Variants in CFAP206 observed in about 807,000 individuals in gnomAD.
CFAP206 encodes cilia and flagella associated protein 206.
In CFAP206, 53 loss-of-function variants were observed where a neutral mutation model predicts 65.4. The observed-to-expected ratio is 0.81, with a 90% CI of 0.65 to 1.02. The LOEUF is 1.02. CFAP206 is among the 50% of genes least tolerant of loss of function. The pLI is 0.00. For synonymous variants in CFAP206, 250 were observed against 254.4 expected (o/e 0.98, Z 0.17); for missense variants, 663 against 753.2 (o/e 0.88, Z 1.40).
At chr6:87,427,196 G>A (rs1003087164) in intron 8 of CFAP206, among the ~76,000 whole-genome samples, 1 of 152,170 alleles carries the variant, frequency 6.6e-6, no homozygotes, top group African/African-American at 2.4e-5. Context: ...GGAGTGCAGT[G>A]GTGCAATCTC....
intron 11 of CFAP206, among the ~76,000 whole-genome samples, chr6:87,448,919 G>A (rs567366831): frequency 2.6e-5 from 4 of 152,172 alleles, no homozygotes; most frequent in African/African-American, 9.6e-5. Context: ...TGGACACTTA[G>A]GTTGTTTCCA....
chr6:87,431,895 G>A (rs1321228664), intron 10 of CFAP206, among the ~76,000 whole-genome samples: 2 of 152,120 alleles, frequency 1.3e-5, no homozygotes, highest in Admixed American at 6.5e-5. Flanking sequence ...ATATTTCACT[G>A]GCATAGATAG....
intron 10 of CFAP206, among the ~76,000 whole-genome samples, chr6:87,434,412 C>T (rs1041929157): frequency 1.5e-5 from 2 of 129,438 alleles, no homozygotes; most frequent in African/African-American, 5.7e-5. Flanking sequence ...TTTTGAGACA[C>T]AGTCTCAAAA....
chr6:87,431,644 T>G (rs1768160128), intron 10 of CFAP206, among the ~76,000 whole-genome samples: 1 of 152,170 alleles, frequency 6.6e-6, no homozygotes, highest in South Asian at 2.1e-4. Flanking sequence ...CACACGCCTG[T>G]AGTCCCAGCT....
At chr6:87,437,068 T>G in intron 11 of CFAP206, among the ~76,000 whole-genome samples, 1 of 152,148 alleles carries the variant, frequency 6.6e-6, no homozygotes, top group Non-Finnish European at 1.5e-5. Flanking sequence ...CCTCCCAGGT[T>G]CAAGCAATTC....
intron 11 of CFAP206, among the ~76,000 whole-genome samples, chr6:87,456,678 C>T (rs924952028): frequency 2.6e-5 from 4 of 151,976 alleles, no homozygotes; most frequent in African/African-American, 7.3e-5. Context: ...TTGCAGAATA[C>T]GAAATCAACA....
At chr6:87,459,596 A>G (rs1768706347) in intron 11 of CFAP206, among the ~76,000 whole-genome samples, 1 of 152,228 alleles carries the variant, frequency 6.6e-6, no homozygotes, top group Non-Finnish European at 1.5e-5. Context: ...TTTATAGATC[A>G]GGAATATTCA....
chr6:87,424,494 G>A (rs1751177067), intron 7 of CFAP206, among the ~76,000 whole-genome samples: 1 of 151,994 alleles, frequency 6.6e-6, no homozygotes, highest in Non-Finnish European at 1.5e-5. Flanking sequence ...AGCCAGGATG[G>A]TCTCGATCTC....
intron 11 of CFAP206, chr6:87,445,313 G>A (rs1477881660): frequency 5.2e-6 from 1 of 190,950 alleles, no homozygotes; most frequent in Non-Finnish European, 1.1e-5. Context: ...CATCACCTAA[G>A]TATTAAGCCC....
intron 7 of CFAP206, among the ~76,000 whole-genome samples, chr6:87,420,421 T>C (rs2127949178): frequency 6.6e-6 from 1 of 152,360 alleles, no homozygotes; most frequent in East Asian, 1.9e-4. Flanking sequence ...GGCGTTCTAC[T>C]TCTCACAGCT....
chr6:87,434,862 A>C lies in CFAP206; in HGVS notation c.1303A>C (p.Asn435His). Reference protein sequence around the residue: ...AATDGLLLPGNPAIGILKYKE... With the variant: ...AATDGLLLPGHPAIGILKYKE... ...TCTAATTCTTTTTTTATTTTCAGGA[A>C]ATCCAGCAATTGGAATTTTAAAATA... The change falls in exon 11 of 13, where the codon AAT becomes CAT. Residue 435 changes from asparagine (N) to histidine (H), a missense_variant and splice_region_variant. Transcript: ENST00000369562. 1.5e-6 allele frequency: 2 copies of C among 1,322,660 alleles called. No homozygotes were observed. The allele number at this position is 1,322,660 out of a possible 1,614,324, so 81.9% of individuals were successfully genotyped here. A position where few individuals can be genotyped will look rare whatever the true frequency, so the allele number is the denominator to read the frequency against.
rs1768086564 is a variant in CFAP206 at position 87,428,214 on chromosome 6, C to G, written c.961-412C>G. The stretch of plus-strand genomic sequence containing the variant: ...TGTTGGCCAGGCTGGTCTTGAACTC[C>G]TGCCCTCAGGTGATCCGCCCACCTT... On this transcript the variant is annotated intron_variant, in intron 8 of 12. Transcript: ENST00000369562. 3.3e-5 allele frequency among the ~76,000 whole-genome samples: 5 copies of G among 151,996 alleles called. No homozygotes were observed. The South Asian group carries it at 1.0e-3, about 32-fold the overall frequency.
intron 9 of CFAP206, among the ~76,000 whole-genome samples, chr6:87,429,387 C>T (rs1054372862): frequency 2.6e-5 from 4 of 152,116 alleles, no homozygotes; most frequent in Non-Finnish European, 5.9e-5. Context: ...GTTTCTATTG[C>T]AGTCCTAGTA....
At chr6:87,440,828 G>T (rs1234949317) in intron 11 of CFAP206, among the ~76,000 whole-genome samples, 1 of 152,184 alleles carries the variant, frequency 6.6e-6, no homozygotes, top group African/African-American at 2.4e-5. Context: ...GGTACTTGGA[G>T]AAATATTACA....
chr6:87,411,930 G>A (rs1767741759), intron 3 of CFAP206, among the ~76,000 whole-genome samples: 1 of 152,208 alleles, frequency 6.6e-6, no homozygotes, highest in African/African-American at 2.4e-5. Flanking sequence ...TGGTGAGGAT[G>A]CAGAGAAAAG....
chr6:87,446,497 T>C (rs1429481290), intron 11 of CFAP206, among the ~76,000 whole-genome samples: 2 of 151,652 alleles, frequency 1.3e-5, no homozygotes, highest in African/African-American at 4.8e-5. Flanking sequence ...TCAAAGATCA[T>C]ATGGTTGTAG....
chr6:87,442,315 TTTTC>T (rs1188463806), intron 11 of CFAP206, among the ~76,000 whole-genome samples: 14 of 152,194 alleles, frequency 9.2e-5, no homozygotes, highest in African/African-American at 1.4e-4. Flanking sequence ...CTTCCTGGCT[TTTTC>T]TTTCTTTCTT....
chr6:87,411,041 T>C (rs1417307299), intron 3 of CFAP206, among the ~76,000 whole-genome samples: 1 of 147,710 alleles, frequency 6.8e-6, no homozygotes, highest in Non-Finnish European at 1.5e-5. Flanking sequence ...CAGAATGATA[T>C]TGTAAGTGAC....
At chr6:87,463,984 G>A (rs1049869992) in intron 12 of CFAP206, 36 bp from the exon 13 acceptor site, 1 of 1,525,760 alleles carries the variant, frequency 6.6e-7, no homozygotes, top group Non-Finnish European at 9.0e-7. Context: ...TTGTTCTTTA[G>A]AGAAATGTTA....
Sources: gnomAD v4.1 joint callset for allele counts (sites outside exome capture counted in the v4.1 genomes callset) on GRCh38, gnomAD v4.1.1 for gene constraint, MANE v1.5 for transcripts, NCBI Gene and HGNC (gene_info 2026-07-23, HGNC 2026-07-21) for gene names.